The following CDIN1 variants were observed in gnomAD, a reference collection of about 807,000 sequenced individuals.
CDIN1 encodes the protein CDAN1-interacting nuclease 1.
Under a neutral mutation model 45.3 loss-of-function variants are expected in CDIN1, and 33 were observed. That is an observed-to-expected ratio of 0.73 (90% CI 0.55 to 0.97). The LOEUF (loss-of-function observed/expected upper bound fraction) is 0.97, where lower values mean the gene tolerates loss of function less well. CDIN1 is among the 50% of genes least tolerant of loss of function. The pLI is 0.00. For synonymous variants in CDIN1, 118 were observed against 124.4 expected (o/e 0.95, Z 0.34); for missense variants, 303 against 339.4 (o/e 0.89, Z 0.84).
At chr15:36,622,422 A>G (rs2039240531) in intron 1 of CDIN1, among the ~76,000 whole-genome samples, 1 of 152,182 alleles carries the variant, frequency 6.6e-6, no homozygotes, top group African/African-American at 2.4e-5. Context: ...CAGTGTTCAT[A>G]GAAGTACAGC....
At chr15:36,610,394 A>G (rs1234047738) in intron 1 of CDIN1, among the ~76,000 whole-genome samples, 1 of 152,200 alleles carries the variant, frequency 6.6e-6, no homozygotes, top group Non-Finnish European at 1.5e-5. Context: ...GTGTAATGTG[A>G]AAATTATTAA....
In CDIN1 at chr15:36,781,003, C is replaced by A. The variant is rs530833815; in HGVS notation, c.717-27321C>A. ...CCGTTTCAAAAGGTCCAAGGACGCC[C>A]CAAAGTCCAGGATATCACCAATGAG... is the stretch of plus-strand genomic sequence containing the variant. On this transcript the variant is annotated intron_variant, in intron 10 of 10. Transcript: ENST00000566621. 3.3e-5 allele frequency among the ~76,000 whole-genome samples: 5 copies of A among 152,214 alleles called. No individual in the cohort carries two copies. The South Asian group carries it at 1.0e-3, about 32-fold the overall frequency.
At chr15:36,618,351 C>T in intron 1 of CDIN1, 1 of 681,116 alleles carries the variant, frequency 1.5e-6, no homozygotes, top group Non-Finnish European at 2.7e-6. Flanking sequence ...GGATTAGGAG[C>T]AAACTTAACT....
At chr15:36,647,675 AGGTTTTTGTTTGT>A (rs1566863983) in intron 3 of CDIN1, 3 of 152,172 alleles carry the variant, frequency 2.0e-5, no homozygotes, top group Non-Finnish European at 4.4e-5. Context: ...TGGCTTTAAA[AGGTTTTTGTTTGT>A]TTTCCAGCAG....
chr15:36,579,768 G>C lies in CDIN1; in HGVS notation c.-93G>C, dbSNP rs116508044. Reference sequence around the variant, plus strand: ...GCAGGCGAGGACCCGGGCCTGTGCCGCTTTGCCTACCCCTCATCCCTCGGC... The same window carrying C: ...GCAGGCGAGGACCCGGGCCTGTGCCCCTTTGCCTACCCCTCATCCCTCGGC... On this transcript the variant is annotated 5_prime_UTR_variant, in exon 1 of 11. Coordinates refer to ENST00000566621, the MANE Select transcript of CDIN1 (RefSeq NM_001321759.2). 1,433 of 1,042,390 alleles carry C rather than the reference G, an allele frequency of 1.4e-3. 22 individuals are homozygous for C. The African/African-American group carries it at 0.019, about 14-fold the overall frequency. The allele number at this position is 1,042,390 out of a possible 1,614,324, so 64.6% of individuals were successfully genotyped here.
chr15:36,797,861 T>C (rs988798156), intron 10 of CDIN1, among the ~76,000 whole-genome samples: 1 of 151,614 alleles, frequency 6.6e-6, no homozygotes, highest in Admixed American at 6.6e-5. Flanking sequence ...ATGCCTGTAG[T>C]CCCAGCTCCT....
At position 36,723,714 on chromosome 15, in the gene CDIN1, G is replaced by A. The variant is rs372709290; in HGVS notation, c.716+13753G>A. Among the ~76,000 whole-genome samples the A allele has an allele frequency of 7.2e-5, 11 of 152,278 alleles. No individual in the cohort carries two copies. The East Asian group carries it at 7.7e-4, about 11-fold the overall frequency. On this transcript the variant is annotated intron_variant, in intron 10 of 10. Coordinates refer to ENST00000566621, the MANE Select transcript of CDIN1 (RefSeq NM_001321759.2). ...CAAAGTGCTGAGACTATAGGCATGGGCCACCATGGCTGGCCTGCTGTATTC... is the reference window on the plus strand; with the variant it reads ...CAAAGTGCTGAGACTATAGGCATGGACCACCATGGCTGGCCTGCTGTATTC...
intron 5 of CDIN1, among the ~76,000 whole-genome samples, chr15:36,683,542 G>T (rs1402673700): frequency 6.7e-5 from 2 of 29,962 alleles, no homozygotes; most frequent in Non-Finnish European, 6.7e-5. Context: ...TTTGGCTTAG[G>T]ATTGACTTGG....
chr15:36,597,969 A>G (rs553434383), intron 1 of CDIN1, among the ~76,000 whole-genome samples: 1 of 152,216 alleles, frequency 6.6e-6, no homozygotes, highest in Admixed American at 6.5e-5. Context: ...TTATTTTATC[A>G]CTCATAAATG....
chr15:36,597,236 GGTAAAATACATT>G (rs1475148631), intron 1 of CDIN1, among the ~76,000 whole-genome samples: 1 of 152,130 alleles, frequency 6.6e-6, no homozygotes, highest in Non-Finnish European at 1.5e-5. Flanking sequence ...ATCTCAGAAA[GGTAAAATACATT>G]GCTTGTTTGG....
intron 10 of CDIN1, among the ~76,000 whole-genome samples, chr15:36,770,993 G>A (rs567848077): frequency 1.3e-5 from 2 of 152,294 alleles, no homozygotes; most frequent in Admixed American, 1.3e-4. Flanking sequence ...CTCAGTTTGA[G>A]AATGAATATT....
intron 10 of CDIN1, among the ~76,000 whole-genome samples, chr15:36,807,152 C>T (rs1255376377): frequency 6.6e-6 from 1 of 152,102 alleles, no homozygotes; most frequent in African/African-American, 2.4e-5. Flanking sequence ...TAAACCAGGC[C>T]GTGACATCCA....
Position 36,603,851 on chromosome 15 carries a change from AT to A in CDIN1, c.101+23892del, listed in dbSNP as rs984141902. ...CTGTGGTAGGGAGGCAACATTAAAC[AT>A]TATTTTAAAAACTGCATTTGTGAGA... On this transcript the variant is annotated intron_variant, in intron 1 of 10. Transcript: ENST00000566621. 6.3e-4 allele frequency among the ~76,000 whole-genome samples: 96 copies of A among 152,308 alleles called. 1 individual carries two copies. Among genetic ancestry groups the A allele is most frequent in the African/African-American group, 2.3e-3 (94 of 41,566 alleles).
At chr15:36,596,751 C>CA (rs561377795) in intron 1 of CDIN1, among the ~76,000 whole-genome samples, 5 of 151,702 alleles carry the variant, frequency 3.3e-5, no homozygotes, top group Non-Finnish European at 5.9e-5. Flanking sequence ...GATGTAGTTG[C>CA]AAACATGCAC....
At chr15:36,717,929 A>T (rs1423886330) in intron 10 of CDIN1, among the ~76,000 whole-genome samples, 1 of 152,044 alleles carries the variant, frequency 6.6e-6, no homozygotes, top group Non-Finnish European at 1.5e-5. Flanking sequence ...TCTAATGATA[A>T]ATTATATTGA....
At chr15:36,680,634 C>T (rs1347606021) in intron 5 of CDIN1, among the ~76,000 whole-genome samples, 1 of 152,116 alleles carries the variant, frequency 6.6e-6, no homozygotes, top group Admixed American at 6.6e-5. Context: ...GGGTTTTGAA[C>T]TCCCCAGGGG....
chr15:36,667,162 G>T (rs139409266), intron 5 of CDIN1, among the ~76,000 whole-genome samples: 38 of 152,278 alleles, frequency 2.5e-4, no homozygotes, highest in African/African-American at 8.2e-4. Context: ...GAGTCAGAAA[G>T]CTTGCAAGTC....
intron 5 of CDIN1, among the ~76,000 whole-genome samples, chr15:36,670,986 A>G (rs2041429843): frequency 6.6e-6 from 1 of 152,148 alleles, no homozygotes; most frequent in Admixed American, 6.5e-5. Flanking sequence ...TTGTAACTTG[A>G]GCGAAAACTT....
chr15:36,610,023 A>T (rs946611793), intron 1 of CDIN1, among the ~76,000 whole-genome samples: 1 of 152,222 alleles, frequency 6.6e-6, no homozygotes, highest in Non-Finnish European at 1.5e-5. Context: ...AAAGTAGGGC[A>T]TGTACCTTAG....
Sources: allele counts gnomAD v4.1 joint callset (sites outside exome capture counted in the v4.1 genomes callset), GRCh38; gene constraint gnomAD v4.1.1; transcripts MANE v1.5; gene names NCBI Gene and HGNC (gene_info 2026-07-23, HGNC 2026-07-21).